Variants in NOC3L observed in about 807,000 individuals in gnomAD.
NOC3L encodes the protein nucleolar complex protein 3 homolog.
NOC3L carries 85 observed loss-of-function variants against 102.5 expected under a neutral mutation model. That is an observed-to-expected ratio of 0.83 (90% CI 0.70 to 0.99). The LOEUF (loss-of-function observed/expected upper bound fraction) is 0.99, where lower values mean the gene tolerates loss of function less well. NOC3L is among the 50% of genes least tolerant of loss of function. The probability of loss-of-function intolerance (pLI) is 0.00; values close to 1 mark genes in which losing one functional copy is unlikely to be tolerated. For synonymous variants in NOC3L, 303 were observed against 309.4 expected (o/e 0.98, Z 0.22); for missense variants, 878 against 914.9 (o/e 0.96, Z 0.52).
chr10:94,349,971 G>A (rs1363610131), intron 9 of NOC3L, 142 bp downstream of exon 9: 1 of 652,020 alleles, frequency 1.5e-6, no homozygotes, highest in Non-Finnish European at 2.7e-6. Context: ...TGTTAGCTGG[G>A]GTGGTCTCGA....
chr10:94,336,011 T>G (rs2054213325), intron 19 of NOC3L, among the ~76,000 whole-genome samples: 1 of 152,214 alleles, frequency 6.6e-6, no homozygotes, highest in Non-Finnish European at 1.5e-5. Context: ...CATTTATGCC[T>G]ACTAGTGTTC....
At chr10:94,338,461 T>C (rs777075192) in intron 18 of NOC3L, 147 bp downstream of exon 18, 10 of 788,490 alleles carry the variant, frequency 1.3e-5, no homozygotes, top group Admixed American at 7.0e-5. Flanking sequence ...AAGTAAAATG[T>C]AGCATACTAA....
intron 10 of NOC3L, among the ~76,000 whole-genome samples, chr10:94,347,166 C>T (rs1589571089): frequency 6.6e-6 from 1 of 152,204 alleles, no homozygotes; most frequent in Non-Finnish European, 1.5e-5. Flanking sequence ...CGACCTCCCG[C>T]AGGCACAGCA....
the NOC3L span, chr10:94,324,554 A>T: frequency 1.2e-6 from 2 of 1,613,480 alleles, no homozygotes; most frequent in Non-Finnish European, 1.7e-6. Context: ...CTTAAGCTAA[A>T]GGAGCAGGTG....
At chr10:94,321,788 A>T in the NOC3L span, 3 of 742,626 alleles carry the variant, frequency 4.0e-6, no homozygotes, top group Non-Finnish European at 6.9e-6. Context: ...ATGAGATATT[A>T]AGCTAAGAAG....
At position 94,334,226 on chromosome 10, in the gene NOC3L, G is replaced by T. The variant is rs780553026; in HGVS notation, c.2354C>A (p.Thr785Asn). ...TTTCGTGAAATCCAGAGGCGATTCAGTAGCAACTTCACTGGAGTATCTTTT... is the reference window on the plus strand; with the variant it reads ...TTTCGTGAAATCCAGAGGCGATTCATTAGCAACTTCACTGGAGTATCTTTT... ...LIKRYSSEVATESPLDFTKYL... is the reference protein window; with the variant it reads ...LIKRYSSEVANESPLDFTKYL... Residue 785 changes from threonine to asparagine, a missense_variant, in exon 21 of 21, where the codon ACT becomes AAT. Coordinates refer to ENST00000371361, the MANE Select transcript of NOC3L (RefSeq NM_022451.11). 8.1e-6 allele frequency: 13 copies of T among 1,608,062 alleles called. No individual in the cohort carries two copies. In the East Asian group the frequency reaches 2.9e-4, roughly 36 times the overall value.
intron 8 of NOC3L, among the ~76,000 whole-genome samples, chr10:94,351,401 A>T (rs2054415662): frequency 6.6e-6 from 1 of 152,190 alleles, no homozygotes; most frequent in African/African-American, 2.4e-5. Context: ...TGTCTTCCCT[A>T]TTCCTACCCC....
Position 94,361,697 on chromosome 10 carries a change from A to T in NOC3L, c.185T>A (p.Ile62Asn). The change falls in exon 2 of 21, where the codon ATT becomes AAT. Residue 62 changes from isoleucine to asparagine, a missense_variant. Transcript: ENST00000371361. The part of the protein sequence containing the change: ...AVKDAVSKKP[I>N]PLENPKEKRP... ...CTTTTCCTTTGGGTTCTCCAATGGA[A>T]TGGGTTTCTTAGACACAGCATCTTT... is the stretch of plus-strand genomic sequence containing the variant. 2 of 1,614,130 alleles carry T rather than the reference A, an allele frequency of 1.2e-6. No individual in the cohort carries two copies. The highest frequency in any genetic ancestry group is 4.5e-5 in the East Asian group (2 of 44,862).
the NOC3L span, among the ~76,000 whole-genome samples, chr10:94,326,363 T>C: frequency 2.0e-5 from 3 of 152,222 alleles, no homozygotes; most frequent in Non-Finnish European, 4.4e-5. Flanking sequence ...ATTGAGATCA[T>C]GTTTCCACAT....
At chr10:94,359,035 C>T (rs930842454) in intron 2 of NOC3L, among the ~76,000 whole-genome samples, 1 of 151,980 alleles carries the variant, frequency 6.6e-6, no homozygotes, top group African/African-American at 2.4e-5. Context: ...CAACTAAGTG[C>T]CAGGCACTAT....
At chr10:94,342,144 C>CT (rs1843092572) in intron 13 of NOC3L, among the ~76,000 whole-genome samples, 1 of 152,132 alleles carries the variant, frequency 6.6e-6, no homozygotes, top group African/African-American at 2.4e-5. Flanking sequence ...CTTATGACAG[C>CT]TTTAAGGATA....
intron 4 of NOC3L, among the ~76,000 whole-genome samples, 168 bp downstream of exon 4, chr10:94,357,006 G>C (rs1589577456): frequency 6.6e-6 from 1 of 152,068 alleles, no homozygotes; most frequent in East Asian, 1.9e-4. Flanking sequence ...ATTGGTACCT[G>C]AGATAATCTA....
At chr10:94,362,428 A>T (rs1440613010) in intron 1 of NOC3L, among the ~76,000 whole-genome samples, 2 of 152,160 alleles carry the variant, frequency 1.3e-5, no homozygotes, top group African/African-American at 4.8e-5. Context: ...CCTGAACCCC[A>T]GGACTACCTC....
At chr10:94,359,647 A>T (rs2054530480) in intron 2 of NOC3L, among the ~76,000 whole-genome samples, 1 of 152,190 alleles carries the variant, frequency 6.6e-6, no homozygotes, top group Admixed American at 6.5e-5. Context: ...GGTGCTCAAC[A>T]TCATTGATCA....
downstream of NOC3L, chr10:94,331,734 A>C (rs2054157766): frequency 1.3e-5 from 2 of 152,140 alleles, no homozygotes; most frequent in Admixed American, 1.3e-4. Context: ...TTAATAATTT[A>C]TGTGTTCTCT....
intron 10 of NOC3L, 75 bp from the exon 11 acceptor site, chr10:94,346,631 T>C (rs1229854656): frequency 1.2e-6 from 1 of 830,836 alleles, no homozygotes; most frequent in Non-Finnish European, 1.7e-6. Context: ...TAGAAAAGCA[T>C]TTAACAGTGT....
intron 11 of NOC3L, 40 bp from the exon 12 acceptor site, chr10:94,344,973 CCA>C (rs758380472): frequency 3.5e-6 from 5 of 1,441,186 alleles, no homozygotes; most frequent in Non-Finnish European, 4.8e-6. Flanking sequence ...AGAGCATATA[CCA>C]CAGAGTGAAA....
intron 13 of NOC3L, among the ~76,000 whole-genome samples, chr10:94,343,720 T>C (rs2054311938): frequency 6.6e-6 from 1 of 152,156 alleles, no homozygotes; most frequent in South Asian, 2.1e-4. Context: ...AAATATGTTA[T>C]GAAAAAACAC....
chr10:94,351,709 T>A (rs1048077365), intron 8 of NOC3L, among the ~76,000 whole-genome samples: 4 of 150,842 alleles, frequency 2.7e-5, no homozygotes, highest in Non-Finnish European at 5.9e-5. Flanking sequence ...TTTTTTTTTT[T>A]AGAGACAGGA....
Sources: allele counts gnomAD v4.1 joint callset (sites outside exome capture counted in the v4.1 genomes callset), GRCh38; gene constraint gnomAD v4.1.1; transcripts MANE v1.5; gene names NCBI Gene and HGNC (gene_info 2026-07-23, HGNC 2026-07-21).